The following PLPPR5 variants were observed in gnomAD, a reference collection of about 807,000 sequenced individuals.
PLPPR5 encodes phospholipid phosphatase-related protein type 5.
A neutral mutation model predicts 33.9 loss-of-function variants in PLPPR5; 16 were observed. That is an observed-to-expected ratio of 0.47 (90% CI 0.32 to 0.72). The LOEUF (loss-of-function observed/expected upper bound fraction) is 0.72. PLPPR5 is among the 30% of genes least tolerant of loss of function. The pLI, the probability that PLPPR5 is intolerant of heterozygous loss-of-function variation, is 0.03. For synonymous variants in PLPPR5, 163 were observed against 150.3 expected, an observed-to-expected ratio of 1.08 and a Z score of -0.62; for missense variants, 301 against 406.7, an observed-to-expected ratio of 0.74 and a Z score of 2.23.
At chr1:98,934,085 A>G (rs1570711134) in intron 3 of PLPPR5, among the ~76,000 whole-genome samples, 1 of 152,176 alleles carries the variant, frequency 6.6e-6, no homozygotes, top group South Asian at 2.1e-4. Context: ...GAGACATAGA[A>G]GTTGGAACCA....
chr1:98,892,780 GA>G lies in PLPPR5; in HGVS notation c.*291del, dbSNP rs1192886537. On this transcript the variant is annotated 3_prime_UTR_variant, in exon 6 of 6. Transcript: ENST00000263177. The stretch of plus-strand genomic sequence containing the variant: ...CAATGATTCTGTGAGAAACTAAAGT[GA>G]ATGTTTTATTTAAGAATTTTGTTCA... The G allele has an allele frequency of 3.5e-5, 11 of 311,442 alleles. No individual in the cohort carries two copies. Among genetic ancestry groups the G allele is most frequent in the Non-Finnish European group, 5.8e-5 (10 of 171,606 alleles). 19.3% of individuals were successfully genotyped at this position (311,442 alleles called of 1,614,324 possible).
chr1:98,902,051 A>T (rs1304557249), intron 5 of PLPPR5, among the ~76,000 whole-genome samples: 1 of 152,094 alleles, frequency 6.6e-6, no homozygotes, highest in Non-Finnish European at 1.5e-5. Context: ...TTCTTGTTTC[A>T]GAACACAGAC....
intron 1 of PLPPR5, among the ~76,000 whole-genome samples, chr1:98,976,003 T>C (rs1347742937): frequency 6.8e-6 from 1 of 147,436 alleles, no homozygotes; most frequent in Non-Finnish European, 1.5e-5. Flanking sequence ...TGGACTGTGA[T>C]AGAGTCAAGG....
chr1:98,930,967 C>T lies in PLPPR5; in HGVS notation c.622-8909G>A, dbSNP rs888488219. Among the ~76,000 whole-genome samples, 6 of 152,160 alleles carry T rather than the reference C, an allele frequency of 3.9e-5. No homozygotes were observed. In the East Asian group the frequency reaches 1.2e-3, roughly 29 times the overall value. On this transcript the variant is annotated intron_variant, in intron 3 of 5. Coordinates refer to ENST00000263177, the MANE Select transcript of PLPPR5 (RefSeq NM_001037317.2). ...AACCTCTGTGACCTCTCTTCTCCCA[C>T]GCCTACCAGATTCTACCATTCACAA...
intron 1 of PLPPR5, among the ~76,000 whole-genome samples, chr1:98,999,656 G>A (rs1315286966): frequency 6.6e-6 from 1 of 152,212 alleles, no homozygotes; most frequent in Non-Finnish European, 1.5e-5. Context: ...GATGCCCAAG[G>A]CAGGGTTTGG....
chr1:98,985,494 G>T (rs1255574038), intron 1 of PLPPR5, among the ~76,000 whole-genome samples: 1 of 151,958 alleles, frequency 6.6e-6, no homozygotes, highest in Non-Finnish European at 1.5e-5. Flanking sequence ...ATTTAGTGTA[G>T]CCTAAATGTA....
At chr1:98,900,522 G>A (rs569964701) in intron 5 of PLPPR5, among the ~76,000 whole-genome samples, 7 of 151,562 alleles carry the variant, frequency 4.6e-5, no homozygotes, top group South Asian at 4.2e-4. Flanking sequence ...CATATATTAC[G>A]AATCTGATTA....
At chr1:98,955,258 A>AGAC (rs770664177) in intron 2 of PLPPR5, among the ~76,000 whole-genome samples, 6 of 152,148 alleles carry the variant, frequency 3.9e-5, no homozygotes, top group Non-Finnish European at 7.4e-5. Context: ...AAGCATGCAG[A>AGAC]GACTTAAAAG....
chr1:98,928,600 T>C (rs1353621423), intron 3 of PLPPR5, among the ~76,000 whole-genome samples: 1 of 139,326 alleles, frequency 7.2e-6, no homozygotes, highest in African/African-American at 2.6e-5. Context: ...TATTGAACAA[T>C]GCTGACCTAG....
At chr1:98,945,190 T>C (rs1650508125) in intron 3 of PLPPR5, among the ~76,000 whole-genome samples, 1 of 152,178 alleles carries the variant, frequency 6.6e-6, no homozygotes, top group African/African-American at 2.4e-5. Flanking sequence ...TTAGATGATA[T>C]GTAGAGCAGA....
chr1:98,923,247 C>T (rs1649637136), intron 3 of PLPPR5, among the ~76,000 whole-genome samples: 1 of 152,096 alleles, frequency 6.6e-6, no homozygotes, highest in African/African-American at 2.4e-5. Context: ...AATTTGTTGA[C>T]TGTATTCAAT....
intron 5 of PLPPR5, among the ~76,000 whole-genome samples, chr1:98,899,715 G>A (rs1180367878): frequency 6.7e-6 from 1 of 148,756 alleles, no homozygotes; most frequent in Non-Finnish European, 1.5e-5. Context: ...CTGTAGTGCG[G>A]TAGTGAGATT....
At chr1:98,942,958 C>A (rs1039809253) in intron 3 of PLPPR5, among the ~76,000 whole-genome samples, 1 of 152,118 alleles carries the variant, frequency 6.6e-6, no homozygotes, top group Non-Finnish European at 1.5e-5. Flanking sequence ...ATTACAGCAT[C>A]CCTGAAGAAA....
chr1:98,968,918 A>G (rs1335632692), intron 1 of PLPPR5, among the ~76,000 whole-genome samples: 1 of 152,062 alleles, frequency 6.6e-6, no homozygotes, highest in Non-Finnish European at 1.5e-5. Context: ...TCAACTTGAC[A>G]TTATAATATT....
intron 2 of PLPPR5, among the ~76,000 whole-genome samples, chr1:98,956,329 T>C (rs1415589770): frequency 1.3e-5 from 2 of 152,174 alleles, no homozygotes. Flanking sequence ...GTATGTAATG[T>C]TTATTTTTAA....
intron 5 of PLPPR5, among the ~76,000 whole-genome samples, chr1:98,914,009 G>A (rs1649249590): frequency 6.6e-6 from 1 of 152,158 alleles, no homozygotes; most frequent in Non-Finnish European, 1.5e-5. Context: ...CACGACTGGT[G>A]TTTTCCTGAT....
At chr1:98,988,884 A>C (rs973861020) in intron 1 of PLPPR5, among the ~76,000 whole-genome samples, 2 of 152,136 alleles carry the variant, frequency 1.3e-5, no homozygotes, top group Non-Finnish European at 2.9e-5. Context: ...TTGACATGCC[A>C]AACTCAGATC....
At chr1:99,004,200 C>A (rs529448159) in intron 1 of PLPPR5, 11 of 544,968 alleles carry the variant, frequency 2.0e-5, no homozygotes, top group African/African-American at 1.9e-4. Flanking sequence ...GCCCAGTCAC[C>A]CAACGCTGAA....
At chr1:98,920,592 C>CTAAAAAAAAAAAA (rs1557669386) in intron 4 of PLPPR5, among the ~76,000 whole-genome samples, 1 of 13,658 alleles carries the variant, frequency 7.3e-5, no homozygotes, top group Non-Finnish European at 2.2e-4. Flanking sequence ...AGTGGTATCA[C>CTAAAAAAAAAAAA]CAAAAAAAAA....
Sources: allele counts gnomAD v4.1 joint callset (sites outside exome capture counted in the v4.1 genomes callset), GRCh38; gene constraint gnomAD v4.1.1; transcripts MANE v1.5; gene names NCBI Gene and HGNC (gene_info 2026-07-23, HGNC 2026-07-21).